HS3ST3A1: variants seen among roughly 807,000 people sequenced by gnomAD.
HS3ST3A1 encodes the protein heparan sulfate-glucosamine 3-sulfotransferase 3A1, also known as heparan sulfate glucosamine 3-O-sulfotransferase 3A1.
A neutral mutation model predicts 25.7 loss-of-function variants in HS3ST3A1; 19 were observed. That is an observed-to-expected ratio of 0.74 (90% CI 0.52 to 1.08). HS3ST3A1 has a LOEUF of 1.08. Among genes scored for constraint, HS3ST3A1 ranks in the 50% least tolerant of loss-of-function variants. HS3ST3A1 has a pLI of 0.00. For missense variants in HS3ST3A1, 459 were observed against 594.3 expected, an observed-to-expected ratio of 0.77 and a Z score of 2.37; for synonymous variants, 226 against 278.6, an observed-to-expected ratio of 0.81 and a Z score of 1.88.
intron 1 of HS3ST3A1, among the ~76,000 whole-genome samples, chr17:13,515,471 GTTT>G (rs33924561): frequency 1.9e-5 from 2 of 107,746 alleles, no homozygotes; most frequent in Non-Finnish European, 3.6e-5. Flanking sequence ...GTTTGTTTCA[GTTT>G]TTTTTTTTTT....
intron 1 of HS3ST3A1, among the ~76,000 whole-genome samples, chr17:13,530,198 T>C (rs905627263): frequency 6.6e-6 from 1 of 152,162 alleles, no homozygotes; most frequent in African/African-American, 2.4e-5. Flanking sequence ...ACCTAAAATA[T>C]AGTTCTTATT....
chr17:13,591,717 G>A (rs2142393100), intron 1 of HS3ST3A1, among the ~76,000 whole-genome samples: 1 of 147,818 alleles, frequency 6.8e-6, no homozygotes, highest in Middle Eastern at 3.5e-3. Context: ...GGAGTGCAGT[G>A]GCGCAATCTC....
intron 1 of HS3ST3A1, among the ~76,000 whole-genome samples, chr17:13,512,225 G>C (rs1043970144): frequency 6.7e-6 from 1 of 150,198 alleles, no homozygotes; most frequent in South Asian, 2.1e-4. Flanking sequence ...CGTGAACCCG[G>C]GAAGCGGAGC....
chr17:13,596,529 T>A (rs9903267), intron 1 of HS3ST3A1, among the ~76,000 whole-genome samples: 2,344 of 151,902 alleles, frequency 0.015, 66 homozygotes, highest in African/African-American at 0.052. Flanking sequence ...GCAAACTAGA[T>A]GACAGTATTT....
intron 1 of HS3ST3A1, among the ~76,000 whole-genome samples, chr17:13,567,796 C>T (rs1354014672): frequency 2.6e-5 from 4 of 152,174 alleles, no homozygotes; most frequent in African/African-American, 4.8e-5. Flanking sequence ...TGAGTTGCTT[C>T]TTATGGATGA....
intron 1 of HS3ST3A1, among the ~76,000 whole-genome samples, chr17:13,518,377 A>G (rs1283251824): frequency 6.6e-6 from 1 of 152,208 alleles, no homozygotes; most frequent in Non-Finnish European, 1.5e-5. Context: ...GAGCCCCAAA[A>G]TAGTATTAGG....
chr17:13,497,651 G>A (rs1905328381), intron 1 of HS3ST3A1, among the ~76,000 whole-genome samples: 1 of 152,212 alleles, frequency 6.6e-6, no homozygotes, highest in Non-Finnish European at 1.5e-5. Context: ...CTCAGTCAGG[G>A]CCAGTCAAAA....
intron 1 of HS3ST3A1, among the ~76,000 whole-genome samples, chr17:13,548,402 A>T (rs1809984026): frequency 6.6e-6 from 1 of 152,230 alleles, no homozygotes; most frequent in Non-Finnish European, 1.5e-5. Context: ...AAGCCTGATT[A>T]TCTACTGAAA....
At chr17:13,571,512 C>A (rs1268746656) in intron 1 of HS3ST3A1, among the ~76,000 whole-genome samples, 2 of 152,188 alleles carry the variant, frequency 1.3e-5, no homozygotes, top group African/African-American at 4.8e-5. Flanking sequence ...CTCACTTCAC[C>A]TCAATGACTG....
intron 1 of HS3ST3A1, among the ~76,000 whole-genome samples, chr17:13,588,963 T>A (rs1908351063): frequency 6.6e-6 from 1 of 152,174 alleles, no homozygotes; most frequent in African/African-American, 2.4e-5. Flanking sequence ...GTTCCATTTT[T>A]AAAGAATGAT....
intron 1 of HS3ST3A1, among the ~76,000 whole-genome samples, chr17:13,558,881 G>C (rs1014377246): frequency 6.6e-6 from 1 of 152,126 alleles, no homozygotes; most frequent in African/African-American, 2.4e-5. Context: ...AAACCACAAT[G>C]CTACTGAAAA....
At chr17:13,500,927 G>C (rs1406416873) in intron 1 of HS3ST3A1, among the ~76,000 whole-genome samples, 1 of 152,172 alleles carries the variant, frequency 6.6e-6, no homozygotes, top group Non-Finnish European at 1.5e-5. Flanking sequence ...GCATACAATG[G>C]AATACTATTC....
At chr17:13,547,911 G>A (rs909510484) in intron 1 of HS3ST3A1, among the ~76,000 whole-genome samples, 1 of 144,868 alleles carries the variant, frequency 6.9e-6, no homozygotes, top group Non-Finnish European at 1.5e-5. Context: ...CCTACTTGGT[G>A]TCTGGAGAGT....
At chr17:13,532,788 T>C (rs1906642177) in intron 1 of HS3ST3A1, among the ~76,000 whole-genome samples, 2 of 151,960 alleles carry the variant, frequency 1.3e-5, no homozygotes, top group African/African-American at 2.4e-5. Context: ...CAGGTTCTGG[T>C]GTTTTTTATC....
chr17:13,550,945 T>C (rs1907222859), intron 1 of HS3ST3A1, among the ~76,000 whole-genome samples: 1 of 151,486 alleles, frequency 6.6e-6, no homozygotes, highest in Admixed American at 6.6e-5. Context: ...CAGGTGCCTG[T>C]AGCCCCAGCT....
At chr17:13,537,735 A>C (rs924540903) in intron 1 of HS3ST3A1, among the ~76,000 whole-genome samples, 1 of 152,204 alleles carries the variant, frequency 6.6e-6, no homozygotes, top group African/African-American at 2.4e-5. Context: ...CTGATGCCTC[A>C]CTGAAAACTC....
chr17:13,519,235 G>A (rs939373293), intron 1 of HS3ST3A1, among the ~76,000 whole-genome samples: 1 of 152,194 alleles, frequency 6.6e-6, no homozygotes, highest in Admixed American at 6.5e-5. Context: ...TCTTGATCCT[G>A]GTAGCTGCCT....
intron 1 of HS3ST3A1, among the ~76,000 whole-genome samples, chr17:13,583,731 T>A (rs1465279938): frequency 1.3e-5 from 2 of 152,242 alleles, no homozygotes; most frequent in Non-Finnish European, 2.9e-5. Flanking sequence ...CTCCACTTAT[T>A]TTAAATAACA....
rs536397416 is a variant in HS3ST3A1 at position 13,543,432 on chromosome 17, A to G, written c.600-46614T>C. 307 of 166,116 alleles carry G rather than the reference A, an allele frequency of 1.8e-3. 1 individual carries two copies. The highest frequency in any genetic ancestry group is 3.0e-3 in the Non-Finnish European group (202 of 67,690). 10.3% of individuals were successfully genotyped at this position (166,116 alleles called of 1,614,324 possible). A position where few individuals can be genotyped will look rare whatever the true frequency, so the allele number is the denominator to read the frequency against. ...GAGAAAAAATATTTTTTTTTCTCTG[A>G]CATAGCCCAAGCAGACTAATACAGT... is the stretch of plus-strand genomic sequence containing the variant. On this transcript the variant is annotated intron_variant, in intron 1 of 1. Coordinates refer to ENST00000284110, the MANE Select transcript of HS3ST3A1 (RefSeq NM_006042.3).
Sources: allele counts gnomAD v4.1 joint callset (sites outside exome capture counted in the v4.1 genomes callset), GRCh38; gene constraint gnomAD v4.1.1; transcripts MANE v1.5; gene names NCBI Gene and HGNC (gene_info 2026-07-23, HGNC 2026-07-21).